CCBE1: variants seen among roughly 807,000 people sequenced by gnomAD.
The protein encoded by CCBE1 is collagen and calcium binding EGF domains 1.
In CCBE1, 37 loss-of-function variants were observed where a neutral mutation model predicts 50.0. That is an observed-to-expected ratio of 0.74 (90% CI 0.57 to 0.97). CCBE1 has a LOEUF of 0.97. Among genes scored for constraint, CCBE1 ranks in the 50% least tolerant of loss-of-function variants. The pLI, the probability that CCBE1 is intolerant of heterozygous loss-of-function variation, is 0.00. For missense variants in CCBE1, 538 were observed against 523.8 expected (o/e 1.03, Z -0.26); for synonymous variants, 234 against 203.7 (o/e 1.15, Z -1.27).
At chr18:59,663,879 G>A (rs1423381589) in intron 2 of CCBE1, among the ~76,000 whole-genome samples, 2 of 152,202 alleles carry the variant, frequency 1.3e-5, no homozygotes, top group Non-Finnish European at 2.9e-5. Flanking sequence ...GGAAGTTGGT[G>A]AAGTCACTAA....
chr18:59,601,017 T>TTTTG (rs1380458128), intron 2 of CCBE1, among the ~76,000 whole-genome samples: 5 of 49,318 alleles, frequency 1.0e-4, no homozygotes, highest in African/African-American at 1.2e-4. Flanking sequence ...TCAGTTTTTT[T>TTTTG]TTTTTTTTTT....
At chr18:59,570,758 A>G (rs909879739) in intron 2 of CCBE1, among the ~76,000 whole-genome samples, 1 of 152,212 alleles carries the variant, frequency 6.6e-6, no homozygotes, top group Non-Finnish European at 1.5e-5. Context: ...TGAGGTTTTC[A>G]GAAAGGACAA....
intron 2 of CCBE1, among the ~76,000 whole-genome samples, chr18:59,695,544 G>A (rs2054794156): frequency 6.6e-6 from 1 of 152,208 alleles, no homozygotes; most frequent in Non-Finnish European, 1.5e-5. Flanking sequence ...AGTACGCGAT[G>A]TAACTGATGG....
At chr18:59,512,953 G>GA (rs990765025) in intron 2 of CCBE1, among the ~76,000 whole-genome samples, 9 of 152,176 alleles carry the variant, frequency 5.9e-5, no homozygotes, top group African/African-American at 1.7e-4. Flanking sequence ...AGGGAAAAAA[G>GA]AAAATGAGAC....
chr18:59,553,485 G>C (rs1916001335), intron 2 of CCBE1, among the ~76,000 whole-genome samples: 1 of 152,166 alleles, frequency 6.6e-6, no homozygotes, highest in South Asian at 2.1e-4. Flanking sequence ...TCAACAGATG[G>C]GCTGCTGGTC....
At chr18:59,539,772 TGAATATGCTCCAAAACTCACATAA>T (rs1285334555) in intron 2 of CCBE1, among the ~76,000 whole-genome samples, 3 of 152,234 alleles carry the variant, frequency 2.0e-5, no homozygotes, top group African/African-American at 7.2e-5. Context: ...TTACATTGCA[TGAATATGCTCCAAAACTCACATAA>T]GAATCAACCA....
At chr18:59,678,863 C>T (rs921791693) in intron 2 of CCBE1, among the ~76,000 whole-genome samples, 6 of 152,020 alleles carry the variant, frequency 3.9e-5, no homozygotes, top group East Asian at 1.9e-4. Flanking sequence ...GCTAATGTAT[C>T]GAGTGTTGAC....
chr18:59,607,198 T>A (rs986076902), intron 2 of CCBE1, among the ~76,000 whole-genome samples: 7 of 152,180 alleles, frequency 4.6e-5, no homozygotes, highest in African/African-American at 1.4e-4. Context: ...ATTTTTACAA[T>A]GCAGATTTGG....
chr18:59,650,035 C>G (rs975191341), intron 2 of CCBE1, among the ~76,000 whole-genome samples: 3 of 152,056 alleles, frequency 2.0e-5, no homozygotes, highest in Non-Finnish European at 4.4e-5. Flanking sequence ...CCATCTCCAC[C>G]CAGCTGGGAG....
At chr18:59,519,756 T>A (rs1914520703) in intron 2 of CCBE1, among the ~76,000 whole-genome samples, 1 of 152,238 alleles carries the variant, frequency 6.6e-6, no homozygotes. Context: ...CATGCCTATG[T>A]TCTGAATGGT....
chr18:59,682,181 G>A (rs1027645237), intron 2 of CCBE1, among the ~76,000 whole-genome samples: 2 of 152,208 alleles, frequency 1.3e-5, no homozygotes, highest in Non-Finnish European at 2.9e-5. Context: ...GGCCAACATG[G>A]TGAAACCCTG....
At chr18:59,676,530 A>T (rs1356912424) in intron 2 of CCBE1, among the ~76,000 whole-genome samples, 1 of 152,232 alleles carries the variant, frequency 6.6e-6, no homozygotes, top group African/African-American at 2.4e-5. Flanking sequence ...TCAAATAAAC[A>T]TGCCTCTATT....
intron 2 of CCBE1, among the ~76,000 whole-genome samples, chr18:59,491,686 T>A (rs1211032802): frequency 1.3e-5 from 2 of 151,572 alleles, no homozygotes; most frequent in Non-Finnish European, 2.9e-5. Context: ...TGGTGGCATG[T>A]GCCTGTAGTC....
chr18:59,483,099 G>C (rs1912654665), intron 2 of CCBE1, among the ~76,000 whole-genome samples: 1 of 152,096 alleles, frequency 6.6e-6, no homozygotes. Context: ...GGAGAAAGGA[G>C]CACAAACCAC....
chr18:59,524,900 T>C (rs1383401989), intron 2 of CCBE1, among the ~76,000 whole-genome samples: 2 of 152,222 alleles, frequency 1.3e-5, no homozygotes, highest in African/African-American at 2.4e-5. Flanking sequence ...TCCAGCTCCA[T>C]CCATGTCCCT....
intron 2 of CCBE1, among the ~76,000 whole-genome samples, chr18:59,488,919 G>A (rs548810059): frequency 6.6e-6 from 1 of 152,228 alleles, no homozygotes; most frequent in African/African-American, 2.4e-5. Flanking sequence ...GCTGCAAGCA[G>A]GGACATCAGG....
At chr18:59,623,280 TG>T (rs1441898552) in intron 2 of CCBE1, among the ~76,000 whole-genome samples, 1 of 152,236 alleles carries the variant, frequency 6.6e-6, no homozygotes, top group Non-Finnish European at 1.5e-5. Context: ...AGTTAACCGC[TG>T]CCATTCTGTG....
chr18:59,489,251 T>G (rs1173231001), intron 2 of CCBE1, among the ~76,000 whole-genome samples: 2 of 152,202 alleles, frequency 1.3e-5, no homozygotes, highest in Non-Finnish European at 2.9e-5. Flanking sequence ...GAGAACATGC[T>G]TGCTGGTTCT....
At chr18:59,551,305 CAT>C (rs1915922497) in intron 2 of CCBE1, among the ~76,000 whole-genome samples, 1 of 152,068 alleles carries the variant, frequency 6.6e-6, no homozygotes, top group Non-Finnish European at 1.5e-5. Context: ...GTACAGTAAA[CAT>C]ATAAAAAATG....
Sources: gnomAD v4.1 joint callset for allele counts (sites outside exome capture counted in the v4.1 genomes callset) on GRCh38, gnomAD v4.1.1 for gene constraint, MANE v1.5 for transcripts, NCBI Gene and HGNC (gene_info 2026-07-23, HGNC 2026-07-21) for gene names.